FEZ2: variants seen among roughly 807,000 people sequenced by gnomAD.
FEZ2 encodes the protein fasciculation and elongation protein zeta 2.
Under a neutral mutation model 40.4 loss-of-function variants are expected in FEZ2, and 51 were observed. The ratio of observed to expected loss-of-function variants is 1.26; its 90% CI spans 1.01 to 1.59. The LOEUF is 1.59. Among genes scored for constraint, FEZ2 ranks in the 40% most tolerant of loss-of-function variants. FEZ2 has a pLI of 0.00. For synonymous variants in FEZ2, 242 were observed against 172.0 expected (o/e 1.41, Z -3.18); for missense variants, 640 against 438.3 (o/e 1.46, Z -4.11).
rs564557666 is a variant in FEZ2 at position 36,597,928 on chromosome 2, G to A, written c.215C>T (p.Pro72Leu). 3.5e-6 allele frequency: 5 copies of A among 1,435,928 alleles called. No individual in the cohort carries two copies. The highest frequency in any genetic ancestry group is 1.4e-5 in the South Asian group (1 of 70,900). The allele number at this position is 1,435,928 out of a possible 1,614,324, so 88.9% of individuals were successfully genotyped here. A position where few individuals can be genotyped will look rare whatever the true frequency, so the allele number is the denominator to read the frequency against. ...FRPSDPGAEP[P>L]RTAVRPITER... is the part of the protein sequence containing the mutation. Reference sequence around the variant, plus strand: ...CGTGATGGGCCGCACGGCCGTCCTCGGGGGCTCGGCGCCCGGATCCGAGGG... The same window carrying A: ...CGTGATGGGCCGCACGGCCGTCCTCAGGGGCTCGGCGCCCGGATCCGAGGG... Residue 72 changes from proline (P) to leucine (L), a missense_variant, in exon 1 of 8, where the codon CCG becomes CTG. Transcript: ENST00000405912.
At chr2:36,569,101 T>C (rs552848586) in intron 5 of FEZ2, among the ~76,000 whole-genome samples, 1 of 152,226 alleles carries the variant, frequency 6.6e-6, no homozygotes, top group Non-Finnish European at 1.5e-5. Flanking sequence ...TGTTAAGCTT[T>C]TGTTTACTCA....
rs1668754774 is a variant in FEZ2, at chr2:36,581,678, G to C, written c.493-247C>G. On this transcript the variant is annotated intron_variant, in intron 3 of 7. Transcript: ENST00000405912. ...GAATTGGATTTACTACGTCCATCAT[G>C]ATTCAGAAGGCCCTAACATGTCTTG... 3 of 405,498 alleles carry C rather than the reference G, an allele frequency of 7.4e-6. No homozygotes were observed. In the East Asian group the frequency reaches 1.4e-4, roughly 19 times the overall value. The allele number at this position is 405,498 out of a possible 1,614,324, so 25.1% of individuals were successfully genotyped here.
intron 2 of FEZ2, among the ~76,000 whole-genome samples, chr2:36,586,409 T>C (rs953574978): frequency 6.6e-6 from 1 of 150,510 alleles, no homozygotes; most frequent in Non-Finnish European, 1.5e-5. Flanking sequence ...CTGAGGCGGG[T>C]GGATTGCTTG....
chr2:36,572,004 G>T (rs1668429677), intron 5 of FEZ2, among the ~76,000 whole-genome samples: 1 of 127,834 alleles, frequency 7.8e-6, no homozygotes, highest in African/African-American at 2.9e-5. Context: ...GGCTGAGTGA[G>T]ACTCCGTCTC....
Position 36,597,859 on chromosome 2 carries a change from C to T in FEZ2, c.266+18G>A. Reference sequence around the variant, plus strand: ...AGGGGAGGCTCCCGCCCACTCCCGGCCGGGGCCCCGCACTCACTCGTCCCC... The same window carrying T: ...AGGGGAGGCTCCCGCCCACTCCCGGTCGGGGCCCCGCACTCACTCGTCCCC... On this transcript the variant is annotated intron_variant, in intron 1 of 7. Coordinates refer to ENST00000405912, the MANE Select transcript of FEZ2 (RefSeq NM_005102.3). 1 of 1,333,284 alleles carries T rather than the reference C, an allele frequency of 7.5e-7. No individual in the cohort carries two copies. Among genetic ancestry groups the T allele is most frequent in the Middle Eastern group, 2.8e-4 (1 of 3,568 alleles). 82.6% of individuals were successfully genotyped at this position (1,333,284 alleles called of 1,614,324 possible).
At chr2:36,558,410 G>A in intron 6 of FEZ2, 28 bp downstream of exon 6, 2 of 1,370,604 alleles carry the variant, frequency 1.5e-6, no homozygotes, top group Non-Finnish European at 2.0e-6. Flanking sequence ...AGGAAATCAG[G>A]TAATAGTTTC....
chr2:36,553,067 TGA>T lies in FEZ2; in HGVS notation c.*94_*95del. On this transcript the variant is annotated 3_prime_UTR_variant, in exon 8 of 8. Coordinates refer to ENST00000405912, the MANE Select transcript of FEZ2 (RefSeq NM_005102.3). ...GAATCAAACCCAAGTTCAAATGTGCTGAGTTTCCAATAGCAAGAAGGGTAATG... is the reference window on the plus strand; with the variant it reads ...GAATCAAACCCAAGTTCAAATGTGCTGTTTCCAATAGCAAGAAGGGTAATG... 1.0e-6 allele frequency: 1 copy of T among 997,518 alleles called. No homozygotes were observed. Among genetic ancestry groups the T allele is most frequent in the Non-Finnish European group, 1.5e-6 (1 of 652,666 alleles). 61.8% of individuals were successfully genotyped at this position (997,518 alleles called of 1,614,324 possible).
intron 5 of FEZ2, among the ~76,000 whole-genome samples, chr2:36,563,616 G>A (rs1374553703): frequency 1.1e-4 from 16 of 151,774 alleles, no homozygotes; most frequent in Non-Finnish European, 5.9e-5. Context: ...AAGTCAGGCA[G>A]CATCAATATT....
At chr2:36,553,208 A>G (rs1002917362) in intron 7 of FEZ2, 29 bp from the exon 8 acceptor site, 2 of 1,503,936 alleles carry the variant, frequency 1.3e-6, no homozygotes, top group Non-Finnish European at 1.8e-6. Flanking sequence ...TTTTAGCTAC[A>G]AATGTATATT....
At chr2:36,564,310 T>G (rs1477576908) in intron 5 of FEZ2, among the ~76,000 whole-genome samples, 3 of 152,180 alleles carry the variant, frequency 2.0e-5, no homozygotes, top group African/African-American at 7.2e-5. Context: ...CAAAACTGAA[T>G]TCAATGTCCT....
At chr2:36,554,498 T>C (rs1276800994) in intron 7 of FEZ2, among the ~76,000 whole-genome samples, 4 of 152,060 alleles carry the variant, frequency 2.6e-5, no homozygotes, top group African/African-American at 9.7e-5. Context: ...CTCAGAACAA[T>C]CCAGCTTTCA....
At chr2:36,560,810 A>C (rs779321744) in intron 5 of FEZ2, 1 of 1,610,684 alleles carries the variant, frequency 6.2e-7, no homozygotes, top group South Asian at 1.1e-5. Context: ...TGAATTTCCA[A>C]AGGTGTGGCG....
intron 7 of FEZ2, among the ~76,000 whole-genome samples, chr2:36,554,707 T>C (rs1488178036): frequency 1.3e-5 from 2 of 152,326 alleles, no homozygotes; most frequent in South Asian, 4.1e-4. Flanking sequence ...GCATCAAGAC[T>C]CTTACAAGTG....
At chr2:36,594,607 C>T (rs4553805) in intron 1 of FEZ2, 1 of 153,376 alleles carries the variant, frequency 6.5e-6, no homozygotes, top group African/African-American at 2.4e-5. Context: ...ATTACCTCCC[C>T]CTGGATCCCT....
intron 4 of FEZ2, among the ~76,000 whole-genome samples, chr2:36,580,729 A>G (rs1668712374): frequency 1.3e-5 from 2 of 152,222 alleles, no homozygotes; most frequent in African/African-American, 4.8e-5. Flanking sequence ...GTCCTCCCCA[A>G]AATTCATGTG....
chr2:36,587,972 G>A (rs1023096710), intron 2 of FEZ2, among the ~76,000 whole-genome samples: 1 of 152,104 alleles, frequency 6.6e-6, no homozygotes, highest in African/African-American at 2.4e-5. Flanking sequence ...ACAGAGAGAT[G>A]ATAGGTGAAT....
rs766843388 is a variant in FEZ2, at chr2:36,591,028, C to T, written c.267-17G>A. 2 of 1,441,576 alleles carry T rather than the reference C, an allele frequency of 1.4e-6. No homozygotes were observed. The highest frequency in any genetic ancestry group is 2.0e-6 in the Non-Finnish European group (2 of 1,024,142). 89.3% of individuals were successfully genotyped at this position (1,441,576 alleles called of 1,614,324 possible). ...TTCCAAATCCTTAAAAAGAAGAAAG[C>T]TACAATCAATGAAAATTAACATTCT... On this transcript the variant is annotated splice_polypyrimidine_tract_variant and intron_variant, in intron 1 of 7. Coordinates refer to ENST00000405912, the MANE Select transcript of FEZ2 (RefSeq NM_005102.3).
intron 2 of FEZ2, among the ~76,000 whole-genome samples, chr2:36,587,090 A>C (rs1282950304): frequency 6.6e-6 from 1 of 152,248 alleles, no homozygotes; most frequent in Admixed American, 6.5e-5. Flanking sequence ...AGATGTTCTT[A>C]AGCTGAAATG....
At chr2:36,581,200 A>T in intron 4 of FEZ2, 90 bp downstream of exon 4, 2 of 1,181,710 alleles carry the variant, frequency 1.7e-6, no homozygotes, top group South Asian at 2.9e-5. Context: ...CAGAAGGAGG[A>T]TGAAATCAAA....
Sources: gnomAD v4.1 joint callset for allele counts (sites outside exome capture counted in the v4.1 genomes callset) on GRCh38, gnomAD v4.1.1 for gene constraint, MANE v1.5 for transcripts, NCBI Gene and HGNC (gene_info 2026-07-23, HGNC 2026-07-21) for gene names.